GUCA1B: variants seen among roughly 807,000 people sequenced by gnomAD.
The protein encoded by GUCA1B is guanylyl cyclase-activating protein 2.
GUCA1B carries 22 observed loss-of-function variants against 24.2 expected under a neutral mutation model. The ratio of observed to expected loss-of-function variants is 0.91; its 90% CI spans 0.65 to 1.30. The LOEUF (loss-of-function observed/expected upper bound fraction) is 1.30, where lower values mean the gene tolerates loss of function less well. Among genes scored for constraint, GUCA1B ranks in the 50% most tolerant of loss-of-function variants. GUCA1B has a pLI of 0.00. For synonymous variants in GUCA1B, 100 were observed against 97.9 expected, an observed-to-expected ratio of 1.02 and a Z score of -0.13; for missense variants, 221 against 258.8, an observed-to-expected ratio of 0.85 and a Z score of 1.00.
chr6:42,188,517 C>T, intron 2 of GUCA1B, 65 bp downstream of exon 2: 3 of 1,545,152 alleles, frequency 1.9e-6, no homozygotes, highest in Non-Finnish European at 2.7e-6. Context: ...CACTTGTGGC[C>T]AACCTTCAGA....
At position 42,185,710 on chromosome 6, in the gene GUCA1B, T is replaced by G. The variant is rs750319996; in HGVS notation, c.445A>C (p.Ile149Leu). ...LLTPEEVVDR[I>L]FLLVDENGDG... ...CCATTCTCATCCACCAGGAGGAAGATCCTGTCCACGACCTCCTCGGGTGTG... is the reference window on the plus strand; with the variant it reads ...CCATTCTCATCCACCAGGAGGAAGAGCCTGTCCACGACCTCCTCGGGTGTG... Residue 149 changes from isoleucine (I) to leucine (L), a missense_variant, in exon 3 of 4, where the codon ATC becomes CTC. Ile to Leu is a conservative substitution (Grantham distance 5). Transcript: ENST00000230361. The G allele has an allele frequency of 4.4e-6, 7 of 1,607,030 alleles. No homozygotes were observed. The highest frequency in any genetic ancestry group is 1.3e-5 in the African/African-American group (1 of 74,794).
rs530937608 is a variant in GUCA1B, at chr6:42,190,290, T to C, written c.208-1559A>G. 2.0e-5 allele frequency among the ~76,000 whole-genome samples: 3 copies of C among 152,136 alleles called. No homozygotes were observed. The South Asian group carries it at 6.2e-4, about 32-fold the overall frequency. ...TCTAATTGAGGTCAGATTATATTTA[T>C]AATTTTGTTTCCTTCATTCTCATGT... On this transcript the variant is annotated intron_variant, in intron 1 of 3. Coordinates refer to ENST00000230361, the MANE Select transcript of GUCA1B (RefSeq NM_002098.6).
chr6:42,190,291 A>G (rs1768283168), intron 1 of GUCA1B, among the ~76,000 whole-genome samples: 1 of 151,140 alleles, frequency 6.6e-6, no homozygotes, highest in South Asian at 2.1e-4. Context: ...TTATATTTAT[A>G]ATTTTGTTTC....
intron 1 of GUCA1B, among the ~76,000 whole-genome samples, chr6:42,190,391 G>A (rs1255161932): frequency 2.7e-5 from 4 of 146,628 alleles, no homozygotes; most frequent in South Asian, 2.1e-4. Flanking sequence ...TGGGGAGGGG[G>A]TACTGAACAT....
intron 3 of GUCA1B, among the ~76,000 whole-genome samples, 156 bp downstream of exon 3, chr6:42,185,524 T>C (rs575572520): frequency 6.6e-6 from 1 of 152,308 alleles, no homozygotes; most frequent in South Asian, 2.1e-4. Context: ...CACGTGCTCA[T>C]GAGTCCCTTT....
rs143063040 is a variant in GUCA1B, at chr6:42,184,338, G to A, written c.*477C>T. ...GATCTCCTGACCTCGTGATCTGCCCGCCTCGGCCTCCCAAAGTGCTGGGAT... is the reference window on the plus strand; with the variant it reads ...GATCTCCTGACCTCGTGATCTGCCCACCTCGGCCTCCCAAAGTGCTGGGAT... On this transcript the variant is annotated 3_prime_UTR_variant, in exon 4 of 4. Transcript: ENST00000230361. 2,337 of 218,876 alleles carry A rather than the reference G, an allele frequency of 0.011. 58 individuals are homozygous for A. The highest frequency in any genetic ancestry group is 0.05 in the African/African-American group (2,210 of 44,342). The allele number at this position is 218,876 out of a possible 1,614,324, so 13.6% of individuals were successfully genotyped here.
rs755161979 is a variant in GUCA1B, at chr6:42,184,950, AG to A, written c.476-9del. On this transcript the variant is annotated splice_polypyrimidine_tract_variant and intron_variant, in intron 3 of 3. Coordinates refer to ENST00000230361, the MANE Select transcript of GUCA1B (RefSeq NM_002098.6). ...CGTTCAGAGACAGCTGGCCTGAGCAAGGGGGAGGAGAGGTGGTCATGTAGAA... is the reference window on the plus strand; with the variant it reads ...CGTTCAGAGACAGCTGGCCTGAGCAAGGGGAGGAGAGGTGGTCATGTAGAA... 3 of 1,613,774 alleles carry A rather than the reference AG, an allele frequency of 1.9e-6. No homozygotes were observed. In the South Asian group the frequency reaches 3.3e-5, roughly 18 times the overall value.
intron 1 of GUCA1B, 87 bp downstream of exon 1, chr6:42,194,527 G>T: frequency 1.2e-6 from 1 of 824,774 alleles, no homozygotes; most frequent in Admixed American, 1.7e-5. Flanking sequence ...GCCGAGGAGT[G>T]GGGAACTGGG....
chr6:42,193,609 C>A (rs1344211397), intron 1 of GUCA1B, among the ~76,000 whole-genome samples: 1 of 152,192 alleles, frequency 6.6e-6, no homozygotes. Context: ...TGGCTCTGTG[C>A]CCTGTGGGGT....
chr6:42,189,850 G>A (rs377450764), intron 1 of GUCA1B, among the ~76,000 whole-genome samples: 10 of 152,210 alleles, frequency 6.6e-5, no homozygotes, highest in African/African-American at 2.2e-4. Flanking sequence ...TGCTGTTGCC[G>A]CTGCTGTTGG....
Position 42,183,812 on chromosome 6 carries a change from AAG to A in GUCA1B, c.*1001_*1002del, listed in dbSNP as rs1205166520. Reference sequence around the variant, plus strand: ...GTCCATACTGGGGGATATGGATGGAAAGAGAGGATTGTTGGGGGAGTGGTGGG... The same window carrying A: ...GTCCATACTGGGGGATATGGATGGAAAGAGGATTGTTGGGGGAGTGGTGGG... On this transcript the variant is annotated 3_prime_UTR_variant, in exon 4 of 4. Coordinates refer to ENST00000230361, the MANE Select transcript of GUCA1B (RefSeq NM_002098.6). Among the ~76,000 whole-genome samples, 2 of 152,162 alleles carry A rather than the reference AAG, an allele frequency of 1.3e-5. No homozygotes were observed. The highest frequency in any genetic ancestry group is 1.9e-4 in the East Asian group (1 of 5,196).
intron 1 of GUCA1B, among the ~76,000 whole-genome samples, chr6:42,192,531 G>A (rs1768329212): frequency 6.6e-6 from 1 of 151,956 alleles, no homozygotes; most frequent in Non-Finnish European, 1.5e-5. Flanking sequence ...GGTCAACATG[G>A]TGAAACCCCG....
chr6:42,192,393 A>AAGAGAG (rs1562064925), intron 1 of GUCA1B, among the ~76,000 whole-genome samples: 1 of 16,964 alleles, frequency 5.9e-5, no homozygotes, highest in Non-Finnish European at 2.2e-4. Context: ...GAGAAAAGAA[A>AAGAGAG]AGAAAAGAAA....
At chr6:42,193,350 A>G (rs1023100916) in intron 1 of GUCA1B, among the ~76,000 whole-genome samples, 5 of 151,070 alleles carry the variant, frequency 3.3e-5, no homozygotes. Flanking sequence ...ATTATTTATG[A>G]CCTGATATAT....
rs963357679 is a variant in GUCA1B at position 42,184,359 on chromosome 6, G to A, written c.*456C>T. On this transcript the variant is annotated 3_prime_UTR_variant, in exon 4 of 4. Coordinates refer to ENST00000230361, the MANE Select transcript of GUCA1B (RefSeq NM_002098.6). ...GCCCGCCTCGGCCTCCCAAAGTGCT[G>A]GGATTACAGGCGTGAGCCACCGTGC... The A allele has an allele frequency of 8.3e-6, 2 of 240,866 alleles. No individual in the cohort carries two copies. Among genetic ancestry groups the A allele is most frequent in the African/African-American group, 2.2e-5 (1 of 44,784 alleles). The allele number at this position is 240,866 out of a possible 1,614,324, so 14.9% of individuals were successfully genotyped here. A position where few individuals can be genotyped will look rare whatever the true frequency, so the allele number is the denominator to read the frequency against.
chr6:42,192,405 G>T (rs28895279), intron 1 of GUCA1B, among the ~76,000 whole-genome samples: 1 of 70,210 alleles, frequency 1.4e-5, no homozygotes, highest in East Asian at 3.8e-4. Context: ...GAAAAGAAAA[G>T]AAAAAGGAAA....
rs1161731663 is a variant in GUCA1B, at chr6:42,184,877, G to A, written c.541C>T (p.Gln181Ter). ...CAGCTGCTGGGATTCATGTCCATCT[G>A]CAGCATCTTCATCACCCACTTGTCC... ...RRDKWVMKML[Q>*]MDMNPSSWLA... The change falls in exon 4 of 4, where the codon CAG becomes TAG. Residue 181 changes from glutamine (Q) to a stop codon, truncating the protein, a stop_gained. Transcript: ENST00000230361. LOFTEE classifies it high-confidence loss of function. The A allele has an allele frequency of 6.2e-7, 1 of 1,613,936 alleles. No homozygotes were observed. The highest frequency in any genetic ancestry group is 1.7e-5 in the Admixed American group (1 of 60,026).
At chr6:42,190,361 A>ATTTTTTTTTT (rs143865611) in intron 1 of GUCA1B, among the ~76,000 whole-genome samples, 6 of 123,022 alleles carry the variant, frequency 4.9e-5, no homozygotes, top group African/African-American at 2.0e-4. Context: ...GTCAACTTCC[A>ATTTTTTTTTT]TTTTTTTTTT....
chr6:42,184,729 G>A lies in GUCA1B; in HGVS notation c.*86C>T. 7.6e-7 allele frequency: 1 copy of A among 1,315,422 alleles called. No homozygotes were observed. The highest frequency in any genetic ancestry group is 1.1e-6 in the Non-Finnish European group (1 of 912,734). 81.5% of individuals were successfully genotyped at this position (1,315,422 alleles called of 1,614,324 possible). Reference sequence around the variant, plus strand: ...CCAGGAAGTCAACACCAGGGGAAGAGTGGGCATGAGCAGGCTGAGCCAGGG... The same window carrying A: ...CCAGGAAGTCAACACCAGGGGAAGAATGGGCATGAGCAGGCTGAGCCAGGG... On this transcript the variant is annotated 3_prime_UTR_variant, in exon 4 of 4. Coordinates refer to ENST00000230361, the MANE Select transcript of GUCA1B (RefSeq NM_002098.6).
Sources: gnomAD v4.1 joint callset for allele counts (sites outside exome capture counted in the v4.1 genomes callset) on GRCh38, gnomAD v4.1.1 for gene constraint, MANE v1.5 for transcripts, NCBI Gene and HGNC (gene_info 2026-07-23, HGNC 2026-07-21) for gene names.